The following OR2H1 variants were observed in gnomAD, a reference collection of about 807,000 sequenced individuals.
The protein encoded by OR2H1 is olfactory receptor 2H1.
For missense variants in OR2H1, 380 were observed against 367.3 expected (o/e 1.03, Z -0.28); for synonymous variants, 155 against 155.2 (o/e 1.00, Z 0.01).
In OR2H1 at chr6:29,461,755, A is replaced by C; in HGVS notation, c.-15A>C. 6.2e-7 allele frequency: 1 copy of C among 1,602,510 alleles called. No individual in the cohort carries two copies. The highest frequency in any genetic ancestry group is 2.2e-5 in the East Asian group (1 of 44,828). The stretch of plus-strand genomic sequence containing the variant: ...GTGACAGCCTCATCCCTCCAGGTAC[A>C]AACAAGAACAGGCCATGGTTAACCA... On this transcript the variant is annotated 5_prime_UTR_variant, in exon 4 of 4. Coordinates refer to ENST00000377133, the MANE Select transcript of OR2H1 (RefSeq NM_030883.5).
chr6:29,457,944 G>T (rs995210755), intron 1 of OR2H1, among the ~76,000 whole-genome samples: 3 of 152,074 alleles, frequency 2.0e-5, no homozygotes, highest in Non-Finnish European at 4.4e-5. Context: ...CCAATTAGCT[G>T]TCTATAGGTT....
rs751111379 is a variant in OR2H1, at chr6:29,462,364, G to A, written c.595G>A (p.Val199Met). The change falls in exon 4 of 4, where the codon GTG (valine) becomes ATG (methionine). Residue 199 changes from valine to methionine, a missense_variant. By Grantham distance (21) the Val-to-Met change is conservative. Transcript: ENST00000377133. ...DTSYNEIQLA[V>M]SSVIFVVVPL... ...CTCCTACAATGAAATCCAGTTGGCT[G>A]TGTCCAGTGTCATCTTCGTGGTTGT... 10 of 1,613,140 alleles carry A rather than the reference G, an allele frequency of 6.2e-6. No individual in the cohort carries two copies. The highest frequency in any genetic ancestry group is 8.5e-6 in the Non-Finnish European group (10 of 1,180,030).
intron 1 of OR2H1, among the ~76,000 whole-genome samples, 194 bp from the exon 2 acceptor site, chr6:29,458,260 A>C (rs959262032): frequency 2.6e-5 from 4 of 152,200 alleles, no homozygotes; most frequent in African/African-American, 9.7e-5. Context: ...CCAGAACAAG[A>C]TATTCAACCT....
In OR2H1 at chr6:29,461,498, G is replaced by T. The variant is rs56044937; in HGVS notation, c.-272G>T. Reference sequence around the variant, plus strand: ...AGCTTTCTTTGCCCTCAACCAGGAAGTCAGAGGCACCAATGTGAGGTTCCA... The same window carrying T: ...AGCTTTCTTTGCCCTCAACCAGGAATTCAGAGGCACCAATGTGAGGTTCCA... On this transcript the variant is annotated 5_prime_UTR_variant, in exon 4 of 4. Transcript: ENST00000377133. 0.011 allele frequency: 4,812 copies of T among 450,598 alleles called. 45 individuals are homozygous for T. The highest frequency in any genetic ancestry group is 0.028 in the African/African-American group (1,446 of 51,020). 27.9% of individuals were successfully genotyped at this position (450,598 alleles called of 1,614,324 possible). A position where few individuals can be genotyped will look rare whatever the true frequency, so the allele number is the denominator to read the frequency against.
At position 29,461,608 on chromosome 6, in the gene OR2H1, G is replaced by A; in HGVS notation, c.-162G>A. The stretch of plus-strand genomic sequence containing the variant: ...GAACAGGGAACGAGAAGGAGCTGCT[G>A]GATGACGATAAGCCTGGGAAAGGGA... On this transcript the variant is annotated 5_prime_UTR_variant, in exon 4 of 4. Coordinates refer to ENST00000377133, the MANE Select transcript of OR2H1 (RefSeq NM_030883.5). The A allele has an allele frequency of 1.6e-6, 1 of 613,542 alleles. No homozygotes were observed. Among genetic ancestry groups the A allele is most frequent in the Non-Finnish European group, 2.9e-6 (1 of 341,728 alleles). The allele number at this position is 613,542 out of a possible 1,614,324, so 38.0% of individuals were successfully genotyped here.
At position 29,461,566 on chromosome 6, in the gene OR2H1, C is replaced by T. The variant is rs1324257442; in HGVS notation, c.-204C>T. On this transcript the variant is annotated 5_prime_UTR_variant, in exon 4 of 4. Transcript: ENST00000377133. ...TCTTGGTTTCCTCACTTCTGCTAGACAACGTTTGATCAGAAGGAACAGGGA... is the reference window on the plus strand; with the variant it reads ...TCTTGGTTTCCTCACTTCTGCTAGATAACGTTTGATCAGAAGGAACAGGGA... 3 of 520,166 alleles carry T rather than the reference C, an allele frequency of 5.8e-6. No homozygotes were observed. Among genetic ancestry groups the T allele is most frequent in the African/African-American group, 5.7e-5 (3 of 52,740 alleles). The allele number at this position is 520,166 out of a possible 1,614,324, so 32.2% of individuals were successfully genotyped here.
intron 2 of OR2H1, 38 bp downstream of exon 2, chr6:29,458,607 T>C (rs2151421882): frequency 6.6e-6 from 1 of 152,344 alleles, no homozygotes; most frequent in South Asian, 2.1e-4. Context: ...CCCATCAATT[T>C]CCACATGTTC....
Position 29,462,807 on chromosome 6 carries a change from G to A in OR2H1, c.*87G>A. On this transcript the variant is annotated 3_prime_UTR_variant, in exon 4 of 4. Transcript: ENST00000377133. ...TACTACCCTTCCCACATACACCTGAGCCACTGTGGTGGGTCACAGTGTGGC... is the reference window on the plus strand; with the variant it reads ...TACTACCCTTCCCACATACACCTGAACCACTGTGGTGGGTCACAGTGTGGC... The A allele has an allele frequency of 2.2e-6, 2 of 926,334 alleles. No homozygotes were observed. The highest frequency in any genetic ancestry group is 3.4e-5 in the South Asian group (2 of 58,642). 57.4% of individuals were successfully genotyped at this position (926,334 alleles called of 1,614,324 possible).
chr6:29,460,628 A>G (rs1169546542), intron 3 of OR2H1, among the ~76,000 whole-genome samples, 174 bp downstream of exon 3: 1 of 152,120 alleles, frequency 6.6e-6, no homozygotes, highest in Non-Finnish European at 1.5e-5. Flanking sequence ...CATTATATAT[A>G]CAACTCACTG....
rs1402013800 is a variant in OR2H1 at position 29,463,192 on chromosome 6, C to T, written c.*472C>T. On this transcript the variant is annotated 3_prime_UTR_variant, in exon 4 of 4. Transcript: ENST00000377133. ...TTTAGAAGAATGCTTTTTGATCCTC[C>T]TGGAATATGAGAGGATGGGAGGCCC... is the stretch of plus-strand genomic sequence containing the variant. 1 of 178,620 alleles carries T rather than the reference C, an allele frequency of 5.6e-6. No individual in the cohort carries two copies. Among genetic ancestry groups the T allele is most frequent in the South Asian group, 1.7e-4 (1 of 5,962 alleles). The allele number at this position is 178,620 out of a possible 1,614,324, so 11.1% of individuals were successfully genotyped here. A position where few individuals can be genotyped will look rare whatever the true frequency, so the allele number is the denominator to read the frequency against.
chr6:29,462,072 C>T lies in OR2H1; in HGVS notation c.303C>T (p.Ile101=), dbSNP rs1354443367. Residue 101 remains isoleucine (I), a synonymous_variant, in exon 4 of 4, where the codon ATC becomes ATT. Coordinates refer to ENST00000377133, the MANE Select transcript of OR2H1 (RefSeq NM_030883.5). The part of the protein sequence containing the change: ...SFLGCSVQLF[I]FLSLGTTECI... ...TGGGATGCTCTGTCCAGCTCTTCAT[C>T]TTCCTGTCCCTGGGGACCACTGAGT... 1.2e-6 allele frequency: 2 copies of T among 1,613,642 alleles called. No individual in the cohort carries two copies. Among genetic ancestry groups the T allele is most frequent in the Non-Finnish European group, 1.7e-6 (2 of 1,180,028 alleles).
chr6:29,462,820 G>C lies in OR2H1; in HGVS notation c.*100G>C. ...ACATACACCTGAGCCACTGTGGTGG[G>C]TCACAGTGTGGCTATGTTATCTATG... On this transcript the variant is annotated 3_prime_UTR_variant, in exon 4 of 4. Transcript: ENST00000377133. 1 of 785,738 alleles carries C rather than the reference G, an allele frequency of 1.3e-6. No individual in the cohort carries two copies. The highest frequency in any genetic ancestry group is 2.0e-6 in the Non-Finnish European group (1 of 488,310). 48.7% of individuals were successfully genotyped at this position (785,738 alleles called of 1,614,324 possible).
In OR2H1 at chr6:29,462,803, C is replaced by A; in HGVS notation, c.*83C>A. On this transcript the variant is annotated 3_prime_UTR_variant, in exon 4 of 4. Transcript: ENST00000377133. ...AGACTACTACCCTTCCCACATACAC[C>A]TGAGCCACTGTGGTGGGTCACAGTG... 2 of 957,398 alleles carry A rather than the reference C, an allele frequency of 2.1e-6. No individual in the cohort carries two copies. The highest frequency in any genetic ancestry group is 1.7e-5 in the South Asian group (1 of 59,602). 59.3% of individuals were successfully genotyped at this position (957,398 alleles called of 1,614,324 possible).
At chr6:29,460,870 T>G (rs369224391) in intron 3 of OR2H1, 3 of 152,258 alleles carry the variant, frequency 2.0e-5, no homozygotes, top group East Asian at 3.9e-4. Context: ...CTTTAAATTC[T>G]TCTAGATCCT....
Position 29,461,884 on chromosome 6 carries a change from G to A in OR2H1, c.115G>A (p.Gly39Ser). Reference sequence around the variant, plus strand: ...CACTTCCTACCTCTTGACCCTGGTGGGCAACACACTCATCATCCTGCTGTC... The same window carrying A: ...CACTTCCTACCTCTTGACCCTGGTGAGCAACACACTCATCATCCTGCTGTC... ...VFTSYLLTLV[G>S]NTLIILLSVL... The change falls in exon 4 of 4, where the codon GGC (glycine) becomes AGC (serine). Residue 39 changes from glycine to serine, a missense_variant. By Grantham distance (56) the Gly-to-Ser change is moderately conservative (BLOSUM62 0). Transcript: ENST00000377133. 1.2e-6 allele frequency: 2 copies of A among 1,612,920 alleles called. No homozygotes were observed. The highest frequency in any genetic ancestry group is 1.7e-6 in the Non-Finnish European group (2 of 1,179,992).
intron 2 of OR2H1, among the ~76,000 whole-genome samples, chr6:29,458,932 A>T (rs1786855928): frequency 1.3e-5 from 2 of 152,178 alleles, no homozygotes; most frequent in African/African-American, 2.4e-5. Flanking sequence ...AAAAAGAATA[A>T]ATTAATGTGC....
chr6:29,459,903 A>G (rs901344017), intron 2 of OR2H1: 4 of 152,036 alleles, frequency 2.6e-5, no homozygotes, highest in African/African-American at 9.7e-5. Flanking sequence ...ATCTTAATTT[A>G]TTTGCCTTCA....
rs1787542729 is a variant in OR2H1 at position 29,463,270 on chromosome 6, G to C, written c.*550G>C. The C allele has an allele frequency of 5.8e-6, 1 of 172,624 alleles. No homozygotes were observed. The highest frequency in any genetic ancestry group is 2.4e-5 in the African/African-American group (1 of 41,492). 10.7% of individuals were successfully genotyped at this position (172,624 alleles called of 1,614,324 possible). On this transcript the variant is annotated 3_prime_UTR_variant, in exon 4 of 4. Transcript: ENST00000377133. ...CACTCTCCTTCTTATATCCCTGGGA[G>C]TATGTCATGTGACAAGTCTTTACTG...
At chr6:29,459,288 G>A (rs551076892) in intron 2 of OR2H1, among the ~76,000 whole-genome samples, 1 of 152,166 alleles carries the variant, frequency 6.6e-6, no homozygotes, top group African/African-American at 2.4e-5. Flanking sequence ...GAGAGAAGGA[G>A]ATGTGATCAG....
Sources: gnomAD v4.1 joint callset for allele counts (sites outside exome capture counted in the v4.1 genomes callset) on GRCh38, gnomAD v4.1.1 for gene constraint, MANE v1.5 for transcripts, NCBI Gene and HGNC (gene_info 2026-07-23, HGNC 2026-07-21) for gene names.